Variants in CAPG observed in about 807,000 individuals in gnomAD.
CAPG encodes the protein capping actin protein, gelsolin like, also known as macrophage-capping protein.
CAPG carries 32 observed loss-of-function variants against 44.6 expected under a neutral mutation model. The observed-to-expected ratio is 0.72, with a 90% confidence interval of 0.54 to 0.96. The LOEUF (loss-of-function observed/expected upper bound fraction) is 0.96, where lower values mean the gene tolerates loss of function less well. CAPG is among the 50% of genes least tolerant of loss of function. CAPG has a pLI of 0.00. For synonymous variants in CAPG, 175 were observed against 179.6 expected, an observed-to-expected ratio of 0.97 and a Z score of 0.20; for missense variants, 412 against 438.3, an observed-to-expected ratio of 0.94 and a Z score of 0.54.
chr2:85,401,848 CCG>C lies in CAPG; in HGVS notation c.131_132del (p.Ser44TrpfsTer29). 1 of 1,614,152 alleles carries C rather than the reference CCG, an allele frequency of 6.2e-7. No individual in the cohort carries two copies. Among genetic ancestry groups the C allele is most frequent in the Non-Finnish European group, 8.5e-7 (1 of 1,180,026 alleles). The stretch of plus-strand genomic sequence containing the variant: ...TTGTGCAGCACTAGGTAGGAGTCCC[CCG>C]AGAAGAAGACGCCCTGGTTCTCTTG... Reference protein sequence around the residue: ...VAQENQGVFFSGDSYLVLHNG... With the variant: ...VAQENQGVFFXGDSYLVLHNG... On this transcript the variant is annotated frameshift_variant, in exon 3 of 10. Coordinates refer to ENST00000263867, the MANE Select transcript of CAPG (RefSeq NM_001747.4). LOFTEE classifies it high-confidence loss of function.
In CAPG at chr2:85,401,182, T is replaced by C. The variant is rs779823535; in HGVS notation, c.499A>G (p.Ile167Val). 5.6e-6 allele frequency: 9 copies of C among 1,613,980 alleles called. No homozygotes were observed. Among genetic ancestry groups the C allele is most frequent in the Admixed American group, 3.3e-5 (2 of 59,996 alleles). Reference protein sequence around the residue: ...WDSFNTGDCFILDLGQNIFAW... With the variant: ...WDSFNTGDCFVLDLGQNIFAW... ...CTACCCACCTGGCCCAGGTCCAGGA[T>C]GAAGCAGTCCCCAGTGTTGAAGCTG... Residue 167 changes from isoleucine (I) to valine (V), a missense_variant, in exon 5 of 10, where the codon ATC becomes GTC. By Grantham distance (29) the Ile-to-Val change is conservative. Coordinates refer to ENST00000263867, the MANE Select transcript of CAPG (RefSeq NM_001747.4).
upstream of CAPG, among the ~76,000 whole-genome samples, chr2:85,411,545 G>A (rs546059883): frequency 1.3e-5 from 2 of 152,336 alleles, no homozygotes; most frequent in East Asian, 1.9e-4. Context: ...AGGAGAAAGT[G>A]AGCACCCAGT....
chr2:85,406,326 C>G (rs895017459), intron 1 of CAPG, among the ~76,000 whole-genome samples: 5 of 152,002 alleles, frequency 3.3e-5, no homozygotes, highest in African/African-American at 1.2e-4. Flanking sequence ...AATGTCGGTA[C>G]TGACAAAGAT....
downstream of CAPG, chr2:85,391,756 T>C (rs1000281400): frequency 1.3e-5 from 2 of 152,616 alleles, no homozygotes; most frequent in Admixed American, 6.5e-5. Context: ...TAATTAAGCG[T>C]CTCAGGTGTT....
At chr2:85,399,060 G>T in intron 6 of CAPG, 76 bp downstream of exon 6, 2 of 1,523,888 alleles carry the variant, frequency 1.3e-6, no homozygotes, top group Non-Finnish European at 1.8e-6. Flanking sequence ...GCCACTCTCA[G>T]CCCTCAGCTC....
At chr2:85,419,066 C>T (rs1558742759), upstream of CAPG, 3 of 152,412 alleles carry the variant, frequency 2.0e-5, no homozygotes, top group Non-Finnish European at 4.4e-5. Flanking sequence ...GCAGCCCAGA[C>T]CCTGAGACTG....
intron 1 of CAPG, among the ~76,000 whole-genome samples, chr2:85,416,687 T>C (rs1333009239): frequency 6.6e-6 from 1 of 152,142 alleles, no homozygotes; most frequent in Non-Finnish European, 1.5e-5. Flanking sequence ...AATTTTTTTG[T>C]ATTTTTAGTA....
intron 1 of CAPG, among the ~76,000 whole-genome samples, chr2:85,403,780 A>G (rs1200373434): frequency 6.6e-6 from 1 of 151,100 alleles, no homozygotes; most frequent in Non-Finnish European, 1.5e-5. Context: ...CCAGCTACTC[A>G]GGAGGCTGAG....
chr2:85,399,809 T>C (rs1558731849), intron 5 of CAPG, among the ~76,000 whole-genome samples: 1 of 149,370 alleles, frequency 6.7e-6, no homozygotes. Flanking sequence ...TGGTACAATC[T>C]CAGCTCACCG....
intron 5 of CAPG, among the ~76,000 whole-genome samples, chr2:85,400,663 A>G (rs1686836790): frequency 6.6e-6 from 1 of 151,920 alleles, no homozygotes; most frequent in African/African-American, 2.4e-5. Flanking sequence ...GGTCTAGTCC[A>G]ATGTCACCTT....
intron 1 of CAPG, among the ~76,000 whole-genome samples, chr2:85,406,289 A>C (rs1200883480): frequency 1.3e-5 from 2 of 148,928 alleles, no homozygotes. Flanking sequence ...TTGGCTGCTC[A>C]TTAGAATGAC....
Position 85,401,289 on chromosome 2 carries a change from C to T in CAPG, c.392G>A (p.Gly131Glu). Residue 131 changes from glycine (G) to glutamate (E), a missense_variant, in exon 5 of 10, where the codon GGA (glycine) becomes GAA (glutamate). Transcript: ENST00000263867. The stretch of plus-strand genomic sequence containing the variant: ...GAGTTTCTTGATGGCAGCTGGGGCT[C>T]CTGTGGAGGTCTTGTGAAATGCTGA... ...VESAFHKTST[G>E]APAAIKKLYQ... 6.2e-7 allele frequency: 1 copy of T among 1,614,184 alleles called. No homozygotes were observed.
chr2:85,397,782 G>A (rs1686674952), intron 8 of CAPG, among the ~76,000 whole-genome samples: 1 of 152,048 alleles, frequency 6.6e-6, no homozygotes, highest in Non-Finnish European at 1.5e-5. Context: ...CACTTTGGGA[G>A]GCCAAGGTGA....
At chr2:85,396,917 G>A (rs1020524197) in intron 8 of CAPG, among the ~76,000 whole-genome samples, 4 of 152,070 alleles carry the variant, frequency 2.6e-5, no homozygotes, top group African/African-American at 9.7e-5. Flanking sequence ...CTCCACCTTG[G>A]TTGACCCCAC....
In CAPG at chr2:85,401,574, C is replaced by T. The variant is rs1230891130; in HGVS notation, c.306G>A (p.Glu102=). Residue 102 remains glutamate (E), a synonymous_variant, in exon 4 of 10, where the codon GAG becomes GAA. Transcript: ENST00000263867. ...PVQHREVQGN[E]SDLFMSYFPR... ...GGAAGTAGCTCATGAAGAGGTCAGACTCATTGCCCTGCACCTCGCGGTGCT... is the reference window on the plus strand; with the variant it reads ...GGAAGTAGCTCATGAAGAGGTCAGATTCATTGCCCTGCACCTCGCGGTGCT... The T allele has an allele frequency of 6.2e-7, 1 of 1,614,170 alleles. No individual in the cohort carries two copies.
chr2:85,398,268 GC>G, intron 7 of CAPG, 116 bp from the exon 8 acceptor site: 1 of 1,220,632 alleles, frequency 8.2e-7, no homozygotes, highest in Non-Finnish European at 1.2e-6. Context: ...GCTGCCCACT[GC>G]CCAGGTCCCA....
rs765588444 is a variant in CAPG at position 85,399,740 on chromosome 2, CTTTTTTTTTTTTTT to C, written c.517-469_517-456del. ...GCTGGGCTCAAGCCTCTTTCTTTTT[CTTTTTTTTTTTTTT>C]TTTTGAGATGGAGTTTCGCTCTTGT... On this transcript the variant is annotated intron_variant, in intron 5 of 9. Transcript: ENST00000263867. Among the ~76,000 whole-genome samples the C allele has an allele frequency of 6.3e-4, 80 of 127,582 alleles. No individual in the cohort carries two copies. In the Middle Eastern group the frequency reaches 0.016, roughly 26 times the overall value. 83.7% of individuals were successfully genotyped at this position (127,582 alleles called of 152,430 possible).
chr2:85,401,570 C>T lies in CAPG; in HGVS notation c.310G>A (p.Asp104Asn). 6.2e-7 allele frequency: 1 copy of T among 1,614,178 alleles called. No homozygotes were observed. The highest frequency in any genetic ancestry group is 1.1e-5 in the South Asian group (1 of 91,086). The change falls in exon 4 of 10, where the codon GAC becomes AAC. Residue 104 changes from aspartate to asparagine, a missense_variant. Transcript: ENST00000263867. ...CGTGGGAAGTAGCTCATGAAGAGGT[C>T]AGACTCATTGCCCTGCACCTCGCGG... ...QHREVQGNES[D>N]LFMSYFPRGL...
In CAPG at chr2:85,401,123, A is replaced by G. The variant is rs771158420; in HGVS notation, c.516+42T>C. On this transcript the variant is annotated intron_variant, in intron 5 of 9. Coordinates refer to ENST00000263867, the MANE Select transcript of CAPG (RefSeq NM_001747.4). ...TCCTGCCCCTCCGTCCTTATAAAGG[A>G]TGGTGCCAATACGGAGTGCTCAGTC... is the stretch of plus-strand genomic sequence containing the variant. 3.8e-6 allele frequency: 6 copies of G among 1,583,396 alleles called. No homozygotes were observed. In the African/African-American group the frequency reaches 8.1e-5, roughly 21 times the overall value.
Sources: gnomAD v4.1 joint callset for allele counts (sites outside exome capture counted in the v4.1 genomes callset) on GRCh38, gnomAD v4.1.1 for gene constraint, MANE v1.5 for transcripts, NCBI Gene and HGNC (gene_info 2026-07-23, HGNC 2026-07-21) for gene names.